CAMSAP2: variants seen among roughly 807,000 people sequenced by gnomAD.
CAMSAP2 encodes the protein calmodulin-regulated spectrin-associated protein 2.
In CAMSAP2, 26 loss-of-function variants were observed where a neutral mutation model predicts 146.1. The observed-to-expected ratio is 0.18, with a 90% CI of 0.13 to 0.25. The LOEUF (loss-of-function observed/expected upper bound fraction) is 0.25, where lower values mean the gene tolerates loss of function less well. Among genes scored for constraint, CAMSAP2 ranks in the 10% least tolerant of loss-of-function variants. The pLI is 1.00. For missense variants in CAMSAP2, 1,381 were observed against 1,759.3 expected (o/e 0.78, Z 3.85); for synonymous variants, 499 against 596.6 (o/e 0.84, Z 2.38).
intron 2 of CAMSAP2, among the ~76,000 whole-genome samples, chr1:200,783,923 A>T (rs988901119): frequency 5.9e-5 from 9 of 151,842 alleles, no homozygotes; most frequent in Admixed American, 5.9e-4. Context: ...GGTTGTAAAG[A>T]TTTTTTTCCC....
intron 2 of CAMSAP2, among the ~76,000 whole-genome samples, chr1:200,782,474 C>G (rs941409889): frequency 6.6e-6 from 1 of 152,180 alleles, no homozygotes; most frequent in African/African-American, 2.4e-5. Context: ...AGCCCCACCC[C>G]ACTTCAGGCA....
At chr1:200,795,944 T>C (rs1164197399) in intron 2 of CAMSAP2, among the ~76,000 whole-genome samples, 1 of 152,228 alleles carries the variant, frequency 6.6e-6, no homozygotes, top group African/African-American at 2.4e-5. Flanking sequence ...GCCTACTTCA[T>C]TGACATATCT....
intron 11 of CAMSAP2, among the ~76,000 whole-genome samples, chr1:200,851,359 T>C (rs1488281668): frequency 6.6e-6 from 1 of 152,118 alleles, no homozygotes; most frequent in South Asian, 2.1e-4. Context: ...CACCACAAAA[T>C]AAATTTTGTA....
At chr1:200,740,087 A>G in intron 1 of CAMSAP2, 121 bp downstream of exon 1, 10 of 1,053,092 alleles carry the variant, frequency 9.5e-6, no homozygotes, top group Admixed American at 2.4e-5. Context: ...GTTAAGGGAG[A>G]TGATGGGAGG....
chr1:200,818,813 T>C (rs1666673956), intron 4 of CAMSAP2, among the ~76,000 whole-genome samples: 1 of 152,158 alleles, frequency 6.6e-6, no homozygotes, highest in Non-Finnish European at 1.5e-5. Flanking sequence ...AGAGAGAAAA[T>C]GACTTGCTCT....
chr1:200,825,074 T>A (rs1177513379), intron 4 of CAMSAP2, among the ~76,000 whole-genome samples: 6 of 152,226 alleles, frequency 3.9e-5, no homozygotes, highest in African/African-American at 1.4e-4. Context: ...ATAGTCAAAG[T>A]ACAGTGTTCT....
chr1:200,754,169 C>T (rs1337272331), intron 1 of CAMSAP2, among the ~76,000 whole-genome samples: 1 of 152,074 alleles, frequency 6.6e-6, no homozygotes, highest in Non-Finnish European at 1.5e-5. Flanking sequence ...GAACAATATG[C>T]CTGTTATTTT....
intron 1 of CAMSAP2, among the ~76,000 whole-genome samples, chr1:200,747,795 G>C (rs1664378635): frequency 1.3e-5 from 2 of 152,104 alleles, no homozygotes; most frequent in Non-Finnish European, 2.9e-5. Context: ...CGGATCACGA[G>C]GTCAGGAGAT....
At chr1:200,784,391 A>T (rs754070558) in intron 2 of CAMSAP2, among the ~76,000 whole-genome samples, 10 of 152,146 alleles carry the variant, frequency 6.6e-5, no homozygotes, top group Non-Finnish European at 1.5e-4. Context: ...TAGTTTAACA[A>T]TTTGTGTCTT....
intron 7 of CAMSAP2, among the ~76,000 whole-genome samples, chr1:200,842,781 G>A (rs2102237965): frequency 6.6e-6 from 1 of 152,140 alleles, no homozygotes; most frequent in South Asian, 2.1e-4. Flanking sequence ...TTTGAAACCA[G>A]GCTGGGCAAC....
At chr1:200,837,348 T>G (rs1571816465) in intron 6 of CAMSAP2, among the ~76,000 whole-genome samples, 1 of 152,134 alleles carries the variant, frequency 6.6e-6, no homozygotes, top group Non-Finnish European at 1.5e-5. Context: ...GAATAGGGAG[T>G]CCTTCCCCAT....
intron 2 of CAMSAP2, among the ~76,000 whole-genome samples, chr1:200,781,250 A>G (rs1665420269): frequency 6.6e-6 from 1 of 152,248 alleles, no homozygotes; most frequent in African/African-American, 2.4e-5. Context: ...GAAGTACGGC[A>G]TATGTGACTG....
chr1:200,849,103 G>A lies in CAMSAP2; in HGVS notation c.2334G>A (p.Gln778=). The change falls in exon 11 of 17, where the codon CAG becomes CAA. Residue 778 remains glutamine (Q), a synonymous_variant. Transcript: ENST00000358823. The surrounding 1 kb of genome is among the most constrained non-coding windows in gnomAD (Gnocchi z 6.3). The part of the protein sequence containing the change: ...KKKMEAAFTK[Q]RQKMGRTAFL... Reference sequence around the variant, plus strand: ...AAATGGAAGCTGCTTTTACCAAACAGAGACAGAAAATGGGAAGGACAGCAT... The same window carrying A: ...AAATGGAAGCTGCTTTTACCAAACAAAGACAGAAAATGGGAAGGACAGCAT... 6.2e-7 allele frequency: 1 copy of A among 1,614,124 alleles called. No homozygotes were observed. The highest frequency in any genetic ancestry group is 8.5e-7 in the Non-Finnish European group (1 of 1,180,018).
intron 1 of CAMSAP2, among the ~76,000 whole-genome samples, chr1:200,742,735 C>T (rs914351420): frequency 6.6e-6 from 1 of 152,022 alleles, no homozygotes; most frequent in Non-Finnish European, 1.5e-5. Context: ...CTATTAGAAA[C>T]TTTCTAACTT....
At chr1:200,759,108 C>G (rs967561918) in intron 1 of CAMSAP2, among the ~76,000 whole-genome samples, 1 of 152,100 alleles carries the variant, frequency 6.6e-6, no homozygotes, top group African/African-American at 2.4e-5. Flanking sequence ...GAACCTCTCC[C>G]ATTCCAGCTT....
chr1:200,838,679 A>C (rs1163138459), intron 6 of CAMSAP2, among the ~76,000 whole-genome samples: 1 of 152,214 alleles, frequency 6.6e-6, no homozygotes, highest in African/African-American at 2.4e-5. Context: ...GACTGTACCA[A>C]GTAGCCTCTT....
intron 7 of CAMSAP2, among the ~76,000 whole-genome samples, chr1:200,843,845 T>G (rs556337188): frequency 1.6e-4 from 24 of 152,100 alleles, no homozygotes; most frequent in Non-Finnish European, 2.8e-4. Flanking sequence ...TTTTGTTTTT[T>G]TTTTGTTTGT....
intron 11 of CAMSAP2, among the ~76,000 whole-genome samples, chr1:200,851,485 G>A (rs895280753): frequency 1.3e-5 from 2 of 152,138 alleles, no homozygotes; most frequent in East Asian, 1.9e-4. Context: ...ATGAGCCCCC[G>A]TGCCCAGCCA....
At chr1:200,850,509 G>A (rs1667592769) in intron 11 of CAMSAP2, among the ~76,000 whole-genome samples, 2 of 152,046 alleles carry the variant, frequency 1.3e-5, no homozygotes, top group Admixed American at 6.5e-5. Flanking sequence ...TAAAAATTAA[G>A]CTACTCAGAT....
Sources: allele counts gnomAD v4.1 joint callset (sites outside exome capture counted in the v4.1 genomes callset), GRCh38; gene constraint gnomAD v4.1.1; non-coding constraint Gnocchi (gnomAD v3.1); transcripts MANE v1.5; gene names NCBI Gene and HGNC (gene_info 2026-07-23, HGNC 2026-07-21).